The following PRTFDC1 variants were observed in gnomAD, a reference collection of about 807,000 sequenced individuals.
PRTFDC1 encodes the protein phosphoribosyl transferase domain containing 1, also known as phosphoribosyltransferase domain-containing protein 1.
A neutral mutation model predicts 34.6 loss-of-function variants in PRTFDC1; 38 were observed. The ratio of observed to expected loss-of-function variants is 1.10; its 90% CI spans 0.85 to 1.44. The LOEUF (loss-of-function observed/expected upper bound fraction) is 1.44. Among genes scored for constraint, PRTFDC1 ranks in the 40% most tolerant of loss-of-function variants. The pLI, the probability that PRTFDC1 is intolerant of heterozygous loss-of-function variation, is 0.00. For synonymous variants in PRTFDC1, 93 were observed against 98.1 expected (o/e 0.95, Z 0.31); for missense variants, 270 against 283.0 (o/e 0.95, Z 0.33).
intron 3 of PRTFDC1, among the ~76,000 whole-genome samples, chr10:24,928,115 A>T (rs1161194867): frequency 2.0e-5 from 3 of 152,188 alleles, no homozygotes; most frequent in Non-Finnish European, 2.9e-5. Context: ...ATAGTGGTAC[A>T]TAAAGTAACA....
At chr10:24,923,256 G>C (rs1279624588) in intron 3 of PRTFDC1, among the ~76,000 whole-genome samples, 1 of 152,238 alleles carries the variant, frequency 6.6e-6, no homozygotes, top group Non-Finnish European at 1.5e-5. Context: ...AACTTCTGCA[G>C]ACTTAAACAT....
intron 3 of PRTFDC1, among the ~76,000 whole-genome samples, chr10:24,885,016 C>T (rs1169169751): frequency 1.3e-5 from 2 of 152,220 alleles, no homozygotes; most frequent in East Asian, 3.9e-4. Flanking sequence ...AACTCATGCC[C>T]AGCCTTGCCC....
chr10:24,851,866 G>A (rs1029596641), intron 7 of PRTFDC1, among the ~76,000 whole-genome samples: 7 of 151,672 alleles, frequency 4.6e-5, no homozygotes, highest in South Asian at 2.1e-4. Flanking sequence ...AAGGCGTTAC[G>A]ACGCTGCATT....
At chr10:24,922,194 C>A (rs543713820) in intron 3 of PRTFDC1, among the ~76,000 whole-genome samples, 4 of 152,222 alleles carry the variant, frequency 2.6e-5, no homozygotes, top group East Asian at 3.9e-4. Context: ...ATATCAGTTA[C>A]AAAATGTTGA....
intron 3 of PRTFDC1, among the ~76,000 whole-genome samples, chr10:24,920,317 G>A (rs955850737): frequency 6.7e-6 from 1 of 150,232 alleles, no homozygotes; most frequent in Admixed American, 6.7e-5. Context: ...ATATGTGTGT[G>A]TATATATATA....
chr10:24,908,855 A>C, intron 3 of PRTFDC1: 1 of 1,079,148 alleles, frequency 9.3e-7, no homozygotes, highest in Non-Finnish European at 1.3e-6. Flanking sequence ...ACCTCAAGAA[A>C]ACCAGAAGAC....
At chr10:24,916,953 A>AT (rs1274865873) in intron 3 of PRTFDC1, among the ~76,000 whole-genome samples, 1 of 152,052 alleles carries the variant, frequency 6.6e-6, no homozygotes, top group East Asian at 1.9e-4. Context: ...TCCAATTACC[A>AT]TATATGTGTA....
At chr10:24,896,283 C>G (rs928106228) in intron 3 of PRTFDC1, among the ~76,000 whole-genome samples, 1 of 152,140 alleles carries the variant, frequency 6.6e-6, no homozygotes, top group Non-Finnish European at 1.5e-5. Flanking sequence ...ACTGTGCATG[C>G]GAGGGATCTA....
intron 3 of PRTFDC1, among the ~76,000 whole-genome samples, chr10:24,915,922 T>C (rs577661962): frequency 4.7e-4 from 71 of 152,296 alleles, no homozygotes; most frequent in African/African-American, 1.7e-3. Flanking sequence ...TAAACAAACA[T>C]CTTAATCCTC....
intron 3 of PRTFDC1, among the ~76,000 whole-genome samples, chr10:24,878,660 C>A (rs191433777): frequency 6.6e-6 from 1 of 152,100 alleles, no homozygotes; most frequent in Non-Finnish European, 1.5e-5. Context: ...CGCCAGATAG[C>A]GCAGCAGGGG....
At chr10:24,889,911 G>A (rs1419259202) in intron 3 of PRTFDC1, among the ~76,000 whole-genome samples, 1 of 152,204 alleles carries the variant, frequency 6.6e-6, no homozygotes, top group Non-Finnish European at 1.5e-5. Context: ...GAGGCTACAT[G>A]TGAAATGAGT....
At position 24,941,229 on chromosome 10, in the gene PRTFDC1, A is replaced by AT. The variant is rs946421283; in HGVS notation, c.155+1100dup. ...CTACTATGCCTGACTAATGTTTTTTATTTTTTTGTAGAGACGGGTTCTCAC... is the reference window on the plus strand; with the variant it reads ...CTACTATGCCTGACTAATGTTTTTTATTTTTTTTGTAGAGACGGGTTCTCAC... On this transcript the variant is annotated intron_variant, in intron 2 of 8. Coordinates refer to ENST00000320152, the MANE Select transcript of PRTFDC1 (RefSeq NM_020200.7). Among the ~76,000 whole-genome samples, 5 of 147,542 alleles carry AT rather than the reference A, an allele frequency of 3.4e-5. No homozygotes were observed. In the Admixed American group the frequency reaches 3.5e-4, roughly 10 times the overall value.
chr10:24,924,206 G>A (rs181362288), intron 3 of PRTFDC1, among the ~76,000 whole-genome samples: 5 of 152,308 alleles, frequency 3.3e-5, no homozygotes, highest in African/African-American at 1.2e-4. Flanking sequence ...TGGGGAGAAT[G>A]AAACCAAGTT....
At chr10:24,854,303 G>T (rs1224331937) in intron 7 of PRTFDC1, among the ~76,000 whole-genome samples, 1 of 152,134 alleles carries the variant, frequency 6.6e-6, no homozygotes, top group Non-Finnish European at 1.5e-5. Context: ...TTATACCTTT[G>T]ATAATAGTAA....
rs76915546 is a variant in PRTFDC1, at chr10:24,875,702, C to T, written c.340-3639G>A. Among the ~76,000 whole-genome samples the T allele has an allele frequency of 5.2e-3, 788 of 151,894 alleles. 7 individuals carry two copies. Among genetic ancestry groups the T allele is most frequent in the Non-Finnish European group, 7.8e-3 (529 of 67,968 alleles). ...GTTTGAAACATCATTTTGATCTTGT[C>T]TTTCATTCTCATATGTAAGGGTCAG... On this transcript the variant is annotated intron_variant, in intron 3 of 8. Transcript: ENST00000320152.
rs1847450810 is a variant in PRTFDC1 at position 24,849,792 on chromosome 10, A to G, written c.*52T>C. 1.3e-6 allele frequency: 2 copies of G among 1,576,432 alleles called. No individual in the cohort carries two copies. Among genetic ancestry groups the G allele is most frequent in the Non-Finnish European group, 8.7e-7 (1 of 1,146,668 alleles). ...AAACTTGACAGCTGGCTTCCCAAGT[A>G]CAGGCGTAAATATGATGCTATCTGG... On this transcript the variant is annotated 3_prime_UTR_variant, in exon 9 of 9. Transcript: ENST00000320152.
Position 24,872,017 on chromosome 10 carries a change from A to G in PRTFDC1, c.386T>C (p.Leu129Pro). ...GEMQIIGGDD[L>P]STLAGKNVLI... The stretch of plus-strand genomic sequence containing the variant: ...ACAAACCTTTCCAGCCAGCGTTGAA[A>G]GATCATCGCCTCCGATTATCTGCAT... The change falls in exon 4 of 9, where the codon CTT becomes CCT. Residue 129 changes from leucine (L) to proline (P), a missense_variant. By Grantham distance (98) the Leu-to-Pro change is moderately conservative. Transcript: ENST00000320152. 6.2e-7 allele frequency: 1 copy of G among 1,612,364 alleles called. No homozygotes were observed.
Position 24,875,120 on chromosome 10 carries a change from T to C in PRTFDC1, c.340-3057A>G, listed in dbSNP as rs188454908. On this transcript the variant is annotated intron_variant, in intron 3 of 8. Coordinates refer to ENST00000320152, the MANE Select transcript of PRTFDC1 (RefSeq NM_020200.7). ...TAAATTACCCAGTCTCAGGTATGTG[T>C]TGGTATTAGCAACATGAGAATGGAC... Among the ~76,000 whole-genome samples, 393 of 152,322 alleles carry C rather than the reference T, an allele frequency of 2.6e-3. 2 individuals are homozygous for C. Among genetic ancestry groups the C allele is most frequent in the African/African-American group, 8.4e-3 (350 of 41,576 alleles).
At chr10:24,926,560 G>C (rs964887494) in intron 3 of PRTFDC1, among the ~76,000 whole-genome samples, 2 of 152,182 alleles carry the variant, frequency 1.3e-5, no homozygotes, top group African/African-American at 4.8e-5. Flanking sequence ...TGTTGCCCAG[G>C]CTGGTCTCGA....
Sources: allele counts gnomAD v4.1 joint callset (sites outside exome capture counted in the v4.1 genomes callset), GRCh38; gene constraint gnomAD v4.1.1; transcripts MANE v1.5; gene names NCBI Gene and HGNC (gene_info 2026-07-23, HGNC 2026-07-21).